ZSWIM4: variants seen among roughly 807,000 people sequenced by gnomAD.
The protein encoded by ZSWIM4 is zinc finger SWIM domain-containing protein 4.
ZSWIM4 carries 62 observed loss-of-function variants against 102.5 expected under a neutral mutation model. The ratio of observed to expected loss-of-function variants is 0.60; its 90% CI spans 0.49 to 0.75. The LOEUF (loss-of-function observed/expected upper bound fraction) is 0.75. Among genes scored for constraint, ZSWIM4 ranks in the 30% least tolerant of loss-of-function variants. The pLI, the probability that ZSWIM4 is intolerant of heterozygous loss-of-function variation, is 0.00. For missense variants in ZSWIM4, 1,280 were observed against 1,529.6 expected, an observed-to-expected ratio of 0.84 and a Z score of 2.72; for synonymous variants, 652 against 674.5, an observed-to-expected ratio of 0.97 and a Z score of 0.52.
rs758452584 is a variant in ZSWIM4, at chr19:13,830,717, G to A, written c.2988G>A (p.Leu996=). 1.2e-6 allele frequency: 2 copies of A among 1,608,158 alleles called. No individual in the cohort carries two copies. The highest frequency in any genetic ancestry group is 4.5e-5 in the East Asian group (2 of 44,796). The change falls in exon 14 of 14, where the codon CTG becomes CTA. Residue 996 remains leucine (L), a synonymous_variant. Transcript: ENST00000590508. ...GCAGCATCCACTGTGCCCCAATGCT[G>A]TCCGATATTCTGCGCCGCTGGACTC... ...IIRSIHCAPM[L]SDILRRWTLS...
At chr19:13,802,228 A>G (rs1365008198) in intron 2 of ZSWIM4, among the ~76,000 whole-genome samples, 1 of 151,086 alleles carries the variant, frequency 6.6e-6, no homozygotes. Flanking sequence ...CGCCCGCCTC[A>G]GCCTCCTACA....
intron 10 of ZSWIM4, among the ~76,000 whole-genome samples, chr19:13,820,608 T>G (rs746630847): frequency 2.4e-4 from 36 of 152,258 alleles, no homozygotes; most frequent in Non-Finnish European, 4.6e-4. Context: ...CTGAAATCTT[T>G]TCTAGGCAGT....
intron 13 of ZSWIM4, among the ~76,000 whole-genome samples, 192 bp downstream of exon 13, chr19:13,828,918 T>A (rs1975683132): frequency 6.6e-6 from 1 of 151,242 alleles, no homozygotes; most frequent in African/African-American, 2.4e-5. Flanking sequence ...CTGGGTAACA[T>A]AGTGAGACCC....
Position 13,813,124 on chromosome 19 carries a change from C to G in ZSWIM4, c.1140C>G (p.Phe380Leu), listed in dbSNP as rs559934421. ...CACTGGAAGAGGGCAACTACTCCTTCGACGGCCCCAGCCTGCAGCCCACCA... is the reference window on the plus strand; with the variant it reads ...CACTGGAAGAGGGCAACTACTCCTTGGACGGCCCCAGCCTGCAGCCCACCA... ...VCPLEEGNYSFDGPSLQPTMA... is the reference protein window; with the variant it reads ...VCPLEEGNYSLDGPSLQPTMA... The change falls in exon 6 of 14, where the codon TTC (phenylalanine) becomes TTG (leucine). Residue 380 changes from phenylalanine to leucine, a missense_variant. Phe to Leu is a conservative substitution (Grantham distance 22). Coordinates refer to ENST00000590508, the MANE Select transcript of ZSWIM4 (RefSeq NM_001367834.3). The G allele has an allele frequency of 1.7e-5, 28 of 1,613,664 alleles. No homozygotes were observed. In the South Asian group the frequency reaches 2.6e-4, roughly 15 times the overall value.
At chr19:13,806,230 CA>C (rs1423417089) in intron 3 of ZSWIM4, among the ~76,000 whole-genome samples, 7 of 151,510 alleles carry the variant, frequency 4.6e-5, no homozygotes, top group African/African-American at 1.7e-4. Flanking sequence ...TTTGTAGAGA[CA>C]GGGGTTTCCC....
At position 13,795,816 on chromosome 19, in the gene ZSWIM4, A is replaced by T; in HGVS notation, c.153+15A>T. The T allele has an allele frequency of 8.2e-7, 1 of 1,224,538 alleles. No homozygotes were observed. Among genetic ancestry groups the T allele is most frequent in the Non-Finnish European group, 1.0e-6 (1 of 979,342 alleles). 75.9% of individuals were successfully genotyped at this position (1,224,538 alleles called of 1,614,324 possible). A position where few individuals can be genotyped will look rare whatever the true frequency, so the allele number is the denominator to read the frequency against. On this transcript the variant is annotated intron_variant, in intron 1 of 13. Coordinates refer to ENST00000590508, the MANE Select transcript of ZSWIM4 (RefSeq NM_001367834.3). ...CCTTCGAGCAGGTGACCGCGGGGGAAGGGGGCGGGGGCAGGGACGCACCCC... is the reference window on the plus strand; with the variant it reads ...CCTTCGAGCAGGTGACCGCGGGGGATGGGGGCGGGGGCAGGGACGCACCCC...
chr19:13,797,272 A>G (rs970075326), intron 1 of ZSWIM4, among the ~76,000 whole-genome samples: 1 of 152,270 alleles, frequency 6.6e-6, no homozygotes, highest in East Asian at 1.9e-4. Context: ...GCAAGTCCAG[A>G]TTGGAAGGCA....
rs1276597028 is a variant in ZSWIM4, at chr19:13,797,621, AAAAAG to A, written c.153+1835_153+1839del. ...AACACTAACAATAGCTGATGAGCTT[AAAAAG>A]AAAAGAAAAGAAAATCTTTGTATTT... On this transcript the variant is annotated intron_variant, in intron 1 of 13. Transcript: ENST00000590508. 7.3e-5 allele frequency among the ~76,000 whole-genome samples: 11 copies of A among 150,852 alleles called. No homozygotes were observed. In the South Asian group the frequency reaches 1.7e-3, roughly 23 times the overall value.
At chr19:13,797,923 T>C (rs1030699399) in intron 1 of ZSWIM4, among the ~76,000 whole-genome samples, 4 of 152,240 alleles carry the variant, frequency 2.6e-5, no homozygotes, top group Admixed American at 6.5e-5. Flanking sequence ...TCCCAAAGTG[T>C]TGGAATTACA....
chr19:13,803,056 G>A (rs1974816361), intron 2 of ZSWIM4, among the ~76,000 whole-genome samples: 1 of 152,166 alleles, frequency 6.6e-6, no homozygotes, highest in Admixed American at 6.6e-5. Flanking sequence ...GTGAGGCCTG[G>A]GACTCCAGAC....
intron 5 of ZSWIM4, among the ~76,000 whole-genome samples, chr19:13,810,131 A>T (rs1383441117): frequency 2.0e-5 from 3 of 150,536 alleles, no homozygotes; most frequent in Non-Finnish European, 3.0e-5. Context: ...AGTAGCTGGG[A>T]CTACAGGCAC....
chr19:13,795,753 G>A lies in ZSWIM4; in HGVS notation c.105G>A (p.Leu35=). The A allele has an allele frequency of 2.5e-5, 31 of 1,237,734 alleles. No homozygotes were observed. Among genetic ancestry groups the A allele is most frequent in the Non-Finnish European group, 3.0e-5 (30 of 990,296 alleles). 76.7% of individuals were successfully genotyped at this position (1,237,734 alleles called of 1,614,324 possible). A position where few individuals can be genotyped will look rare whatever the true frequency, so the allele number is the denominator to read the frequency against. ...GTGGCCGGGGCCGGCCCGAGGCGCT[G>A]CTGGACCTCAGCGCCAAGCGGGTAG... ...AARGRGRPEA[L]LDLSAKRVAE... Residue 35 remains leucine (L), a synonymous_variant, in exon 1 of 14, where the codon CTG becomes CTA. Coordinates refer to ENST00000590508, the MANE Select transcript of ZSWIM4 (RefSeq NM_001367834.3).
chr19:13,803,217 C>G (rs1025861244), intron 2 of ZSWIM4, among the ~76,000 whole-genome samples: 2 of 152,204 alleles, frequency 1.3e-5, no homozygotes, highest in Non-Finnish European at 2.9e-5. Flanking sequence ...TATGAGGAAG[C>G]CATCTCCCTG....
At chr19:13,812,889 C>A in intron 5 of ZSWIM4, 108 bp from the exon 6 acceptor site, 1 of 1,247,484 alleles carries the variant, frequency 8.0e-7, no homozygotes. Flanking sequence ...TTCCGAGGGT[C>A]GAGGTGAGGG....
chr19:13,808,054 G>T (rs1159004101), intron 3 of ZSWIM4, among the ~76,000 whole-genome samples: 1 of 152,032 alleles, frequency 6.6e-6, no homozygotes, highest in East Asian at 1.9e-4. Context: ...GAGAGAGAGC[G>T]AAGGGGGAGA....
At chr19:13,820,017 G>A (rs749794617) in intron 10 of ZSWIM4, among the ~76,000 whole-genome samples, 1 of 151,748 alleles carries the variant, frequency 6.6e-6, no homozygotes. Flanking sequence ...CACCACGCCC[G>A]GCTAATTTTT....
intron 2 of ZSWIM4, 120 bp downstream of exon 2, chr19:13,800,041 G>A (rs1974717069): frequency 1.1e-5 from 9 of 856,396 alleles, no homozygotes; most frequent in Non-Finnish European, 1.4e-5. Context: ...CTCAGGCTTC[G>A]AGGCCCAGAT....
At position 13,831,139 on chromosome 19, in the gene ZSWIM4, T is replaced by C. The variant is rs1179019045; in HGVS notation, c.*89T>C. On this transcript the variant is annotated 3_prime_UTR_variant, in exon 14 of 14. Transcript: ENST00000590508. Reference sequence around the variant, plus strand: ...CAATTAGGCCCACGTGGCATTTCAGTATTATTAAGTCAGGGAAGGAGCCCG... The same window carrying C: ...CAATTAGGCCCACGTGGCATTTCAGCATTATTAAGTCAGGGAAGGAGCCCG... 1 of 1,481,834 alleles carries C rather than the reference T, an allele frequency of 6.7e-7. No homozygotes were observed. The highest frequency in any genetic ancestry group is 8.9e-7 in the Non-Finnish European group (1 of 1,118,624). The allele number at this position is 1,481,834 out of a possible 1,614,324, so 91.8% of individuals were successfully genotyped here.
Position 13,813,071 on chromosome 19 carries a change from A to C in ZSWIM4, c.1087A>C (p.Ser363Arg), listed in dbSNP as rs1184366835. The change falls in exon 6 of 14, where the codon AGC (serine) becomes CGC (arginine). Residue 363 changes from serine to arginine, a missense_variant. By Grantham distance (110) the Ser-to-Arg change is moderately radical (BLOSUM62 -1). Coordinates refer to ENST00000590508, the MANE Select transcript of ZSWIM4 (RefSeq NM_001367834.3). ...EERAGWLQLL[S>R]RWDKLDVCPL... is the part of the protein sequence containing the mutation. ...AAGGGCAGGCTGGCTCCAGCTACTC[A>C]GCAGGTGGGACAAGCTCGACGTCTG... The C allele has an allele frequency of 6.2e-7, 1 of 1,613,844 alleles. No homozygotes were observed. Among genetic ancestry groups the C allele is most frequent in the African/African-American group, 1.3e-5 (1 of 74,914 alleles).
Sources: gnomAD v4.1 joint callset for allele counts (sites outside exome capture counted in the v4.1 genomes callset) on GRCh38, gnomAD v4.1.1 for gene constraint, MANE v1.5 for transcripts, NCBI Gene and HGNC (gene_info 2026-07-23, HGNC 2026-07-21) for gene names.